CYP4Z1: variants seen among roughly 807,000 people sequenced by gnomAD.
The protein encoded by CYP4Z1 is cytochrome P450 4Z1.
A neutral mutation model predicts 54.2 loss-of-function variants in CYP4Z1; 41 were observed. That is an observed-to-expected ratio of 0.76 (90% CI 0.59 to 0.98). The LOEUF (loss-of-function observed/expected upper bound fraction) is 0.98, where lower values mean the gene tolerates loss of function less well. Ranked by LOEUF, CYP4Z1 falls within the 50% of genes least tolerant of loss-of-function variation. The probability of loss-of-function intolerance (pLI) is 0.00; values close to 1 mark genes in which losing one functional copy is unlikely to be tolerated. For missense variants in CYP4Z1, 513 were observed against 599.0 expected (o/e 0.86, Z 1.50); for synonymous variants, 163 against 206.2 (o/e 0.79, Z 1.79).
intron 8 of CYP4Z1, among the ~76,000 whole-genome samples, chr1:47,101,877 G>A (rs10890453): frequency 0.42 from 63,488 of 151,626 alleles, 14,611 homozygotes; most frequent in East Asian, 0.97. Context: ...CGTCTCCAAC[G>A]ATTATGGTAT....
At chr1:47,084,137 A>C (rs1289137056) in intron 4 of CYP4Z1, among the ~76,000 whole-genome samples, 1 of 151,812 alleles carries the variant, frequency 6.6e-6, no homozygotes, top group Non-Finnish European at 1.5e-5. Context: ...TTCTGTCTTG[A>C]CTCTTAACTG....
intron 9 of CYP4Z1, among the ~76,000 whole-genome samples, chr1:47,108,722 T>C (rs1644773832): frequency 6.6e-6 from 1 of 152,212 alleles, no homozygotes; most frequent in Non-Finnish European, 1.5e-5. Context: ...GTTCTGAGCA[T>C]ACTATGATGT....
upstream of CYP4Z1, among the ~76,000 whole-genome samples, chr1:47,064,240 C>T (rs933038623): frequency 5.9e-5 from 9 of 151,826 alleles, no homozygotes; most frequent in African/African-American, 1.5e-4. Context: ...CACCACCACA[C>T]GCCTGGCTAA....
Position 47,117,867 on chromosome 1 carries a change from A to G in CYP4Z1, c.1451A>G (p.Gln484Arg). Reference sequence around the variant, plus strand: ...GCTCCAGACCACTCAAGGCCTCCCCAGCCTGTTCGTCAAGTTGTCCTCAAG... The same window carrying G: ...GCTCCAGACCACTCAAGGCCTCCCCGGCCTGTTCGTCAAGTTGTCCTCAAG... ...KLAPDHSRPP[Q>R]PVRQVVLKSK... The change falls in exon 12 of 12, where the codon CAG (glutamine) becomes CGG (arginine). Residue 484 changes from glutamine (Q) to arginine (R), a missense_variant. Physicochemically the swap from Gln to Arg is conservative, Grantham distance 43 (BLOSUM62 1). Transcript: ENST00000334194. The G allele has an allele frequency of 6.2e-7, 1 of 1,613,726 alleles. No individual in the cohort carries two copies. The highest frequency in any genetic ancestry group is 1.1e-5 in the South Asian group (1 of 91,060).
At position 47,116,633 on chromosome 1, in the gene CYP4Z1, C is replaced by G. The variant is rs1281437541; in HGVS notation, c.1267-17C>G. ...GGGCTGGAGGGATTAGGACTGGGAT[C>G]TTCACTCTCATTACAGGTCTTTAAC... On this transcript the variant is annotated splice_polypyrimidine_tract_variant and intron_variant, in intron 10 of 11. Transcript: ENST00000334194. The G allele has an allele frequency of 6.4e-7, 1 of 1,568,444 alleles. No homozygotes were observed.
At chr1:47,077,780 C>T (rs965552092) in intron 2 of CYP4Z1, among the ~76,000 whole-genome samples, 1 of 151,806 alleles carries the variant, frequency 6.6e-6, no homozygotes, top group Non-Finnish European at 1.5e-5. Context: ...ACCACTATGC[C>T]TGGCTAATTT....
At chr1:47,113,526 T>C (rs1330882119) in intron 9 of CYP4Z1, among the ~76,000 whole-genome samples, 2 of 152,216 alleles carry the variant, frequency 1.3e-5, no homozygotes, top group Non-Finnish European at 2.9e-5. Context: ...TAACAGACGC[T>C]TCTTAAATGG....
chr1:47,058,060 C>A, the CYP4Z1 span, among the ~76,000 whole-genome samples: 3 of 151,966 alleles, frequency 2.0e-5, no homozygotes, highest in Non-Finnish European at 4.4e-5. Flanking sequence ...TCAAAAAAAA[C>A]TTTACTTGGT....
chr1:47,106,041 G>A (rs1030805392), intron 8 of CYP4Z1, 87 bp from the exon 9 acceptor site: 2 of 1,485,492 alleles, frequency 1.3e-6, no homozygotes, highest in African/African-American at 2.8e-5. Context: ...ATCATTCTCA[G>A]TTACAAAAAT....
chr1:47,091,374 C>T (rs1644637014), intron 6 of CYP4Z1, among the ~76,000 whole-genome samples: 1 of 143,724 alleles, frequency 7.0e-6, no homozygotes, highest in South Asian at 2.2e-4. Flanking sequence ...CAATGCATCC[C>T]TCCTATTGCT....
intron 8 of CYP4Z1, among the ~76,000 whole-genome samples, chr1:47,102,206 C>T (rs1411853086): frequency 2.6e-5 from 4 of 152,138 alleles, no homozygotes; most frequent in African/African-American, 9.7e-5. Context: ...ATCCATTCAG[C>T]CAATGTATAC....
At chr1:47,093,369 A>T (rs1644653478) in intron 6 of CYP4Z1, among the ~76,000 whole-genome samples, 1 of 152,168 alleles carries the variant, frequency 6.6e-6, no homozygotes. Flanking sequence ...ATGGAACCAG[A>T]TGAACTAAGT....
intron 8 of CYP4Z1, among the ~76,000 whole-genome samples, chr1:47,103,595 CTTTTTTTTTTTTTTTTTA>C (rs1389553250): frequency 2.1e-5 from 2 of 96,032 alleles, no homozygotes; most frequent in Admixed American, 1.2e-4. Flanking sequence ...TCTTTTTTTT[CTTTTTTTTTTTTTTTTTA>C]GACAGAGTTT....
chr1:47,113,431 G>C (rs1364958871), intron 9 of CYP4Z1, among the ~76,000 whole-genome samples: 1 of 152,136 alleles, frequency 6.6e-6, no homozygotes, highest in East Asian at 1.9e-4. Context: ...TGTTGCAATT[G>C]CCTGTCTCTT....
chr1:47,059,256 TG>T, the CYP4Z1 span, among the ~76,000 whole-genome samples: 1 of 152,202 alleles, frequency 6.6e-6, no homozygotes, highest in African/African-American at 2.4e-5. Context: ...GAGACATTTT[TG>T]CCTAAACCCT....
chr1:47,112,395 C>A (rs1326869707), intron 9 of CYP4Z1, among the ~76,000 whole-genome samples: 1 of 152,152 alleles, frequency 6.6e-6, no homozygotes, highest in Non-Finnish European at 1.5e-5. Flanking sequence ...CAGACCTATG[C>A]AGTTTTTCAC....
chr1:47,099,677 T>G (rs1346253932), intron 8 of CYP4Z1, among the ~76,000 whole-genome samples: 1 of 152,074 alleles, frequency 6.6e-6, no homozygotes, highest in Non-Finnish European at 1.5e-5. Context: ...TTCAATCACT[T>G]GACATGAAAG....
At chr1:47,087,540 A>G (rs1273878140) in intron 6 of CYP4Z1, among the ~76,000 whole-genome samples, 2 of 152,154 alleles carry the variant, frequency 1.3e-5, no homozygotes, top group African/African-American at 4.8e-5. Context: ...TTGCACATTG[A>G]TTTTGTATCC....
At chr1:47,087,223 T>G (rs1302572509) in intron 6 of CYP4Z1, among the ~76,000 whole-genome samples, 1 of 152,184 alleles carries the variant, frequency 6.6e-6, no homozygotes, top group African/African-American at 2.4e-5. Context: ...TTTTTCCAAT[T>G]CTGTGAAGAA....
Sources: gnomAD v4.1 joint callset for allele counts (sites outside exome capture counted in the v4.1 genomes callset) on GRCh38, gnomAD v4.1.1 for gene constraint, MANE v1.5 for transcripts, NCBI Gene and HGNC (gene_info 2026-07-23, HGNC 2026-07-21) for gene names.